Variants in PRKN observed in about 807,000 individuals in gnomAD.
The protein encoded by PRKN is parkin RBR E3 ubiquitin protein ligase.
In PRKN, 56 loss-of-function variants were observed where a neutral mutation model predicts 59.5. That is an observed-to-expected ratio of 0.94 (90% CI 0.76 to 1.18). The LOEUF (loss-of-function observed/expected upper bound fraction) is 1.18. Ranked by LOEUF, PRKN falls within the 50% of genes most tolerant of loss-of-function variation. The pLI is 0.00. For synonymous variants in PRKN, 250 were observed against 222.1 expected (o/e 1.13, Z -1.12); for missense variants, 657 against 596.4 (o/e 1.10, Z -1.06).
intron 7 of PRKN, among the ~76,000 whole-genome samples, chr6:161,731,385 A>G (rs1787705058): frequency 6.6e-6 from 1 of 152,268 alleles, no homozygotes; most frequent in African/African-American, 2.4e-5. Context: ...GTGACTGTCT[A>G]TAATAACTGT....
At chr6:162,585,194 T>C (rs1474651235) in intron 1 of PRKN, among the ~76,000 whole-genome samples, 1 of 151,702 alleles carries the variant, frequency 6.6e-6, no homozygotes, top group Non-Finnish European at 1.5e-5. Flanking sequence ...CCACTGCACC[T>C]GGCCTATAAA....
At chr6:161,956,047 C>A (rs1174481735) in intron 6 of PRKN, among the ~76,000 whole-genome samples, 1 of 152,130 alleles carries the variant, frequency 6.6e-6, no homozygotes, top group Non-Finnish European at 1.5e-5. Flanking sequence ...ACAATATCCC[C>A]CTTTCAGTTA....
At chr6:161,556,005 TTTAG>T (rs960926823) in intron 8 of PRKN, among the ~76,000 whole-genome samples, 13 of 152,228 alleles carry the variant, frequency 8.5e-5, no homozygotes, top group African/African-American at 3.1e-4. Context: ...GTCTATTTAA[TTTAG>T]TTAGGTAATT....
rs748008270 is a variant in PRKN, at chr6:161,348,517, C to T, written c.*1582G>A. On this transcript the variant is annotated 3_prime_UTR_variant, in exon 12 of 12. Transcript: ENST00000366898. This position sits in a 1 kb window ranked among gnomAD's most constrained non-coding sequence, Gnocchi z 4.9. ...TCTCCCCGGTGCAGGGCCTCTGAGA[C>T]GACGGGACTGTCCTCAGATGGTTGG... The T allele has an allele frequency of 1.1e-4, 23 of 209,946 alleles. No homozygotes were observed. Among genetic ancestry groups the T allele is most frequent in the Non-Finnish European group, 1.6e-4 (17 of 103,462 alleles). The allele number at this position is 209,946 out of a possible 1,614,324, so 13.0% of individuals were successfully genotyped here.
At chr6:161,883,099 A>C (rs9346885) in intron 6 of PRKN, among the ~76,000 whole-genome samples, 151,971 of 152,000 alleles carry the variant, frequency 1, 75,971 homozygotes, top group Middle Eastern at 1. Flanking sequence ...ATATAGATAA[A>C]GATAAAGAAA....
chr6:162,276,859 G>A lies in PRKN; in HGVS notation c.172-14094C>T, dbSNP rs1169887442. Among the ~76,000 whole-genome samples, 6 of 151,998 alleles carry A rather than the reference G, an allele frequency of 3.9e-5. No individual in the cohort carries two copies. The South Asian group carries it at 6.2e-4, about 16-fold the overall frequency. On this transcript the variant is annotated intron_variant, in intron 2 of 11. Transcript: ENST00000366898. ...TTTCACAACCATACAGTAACCTCAC[G>A]TGTGGATAAATCATAGTTTATTCAA... is the stretch of plus-strand genomic sequence containing the variant.
At chr6:161,486,402 T>A (rs1287752700) in intron 9 of PRKN, among the ~76,000 whole-genome samples, 1 of 152,214 alleles carries the variant, frequency 6.6e-6, no homozygotes. Flanking sequence ...TATTTAAAAA[T>A]GAAATTTGAA....
intron 5 of PRKN, among the ~76,000 whole-genome samples, chr6:162,002,603 T>C (rs1233421511): frequency 6.6e-6 from 1 of 152,008 alleles, no homozygotes; most frequent in Non-Finnish European, 1.5e-5. Context: ...GCTTCATTCA[T>C]TTTTCTCTAT....
rs1396282026 is a variant in PRKN, at chr6:161,413,515, A to C, written c.1084-26638T>G. ...GGCATGCTGCAGTGAGAACTGGGGG[A>C]GAAGGCCGGAACCTGGCGGGCTCAT... is the stretch of plus-strand genomic sequence containing the variant. On this transcript the variant is annotated intron_variant, in intron 9 of 11. Transcript: ENST00000366898. This position sits in a 1 kb window ranked among gnomAD's most constrained non-coding sequence, Gnocchi z 4.4. Among the ~76,000 whole-genome samples, 2 of 152,124 alleles carry C rather than the reference A, an allele frequency of 1.3e-5. No homozygotes were observed. The highest frequency in any genetic ancestry group is 2.9e-5 in the Non-Finnish European group (2 of 68,020).
In PRKN at chr6:161,582,354, A is replaced by G. The variant is rs1023975301; in HGVS notation, c.872-12938T>C. 6.6e-6 allele frequency among the ~76,000 whole-genome samples: 1 copy of G among 152,236 alleles called. No homozygotes were observed. Among genetic ancestry groups the G allele is most frequent in the African/African-American group, 2.4e-5 (1 of 41,564 alleles). On this transcript the variant is annotated intron_variant, in intron 7 of 11. Transcript: ENST00000366898. The surrounding 1 kb of genome is among the most constrained non-coding windows in gnomAD (Gnocchi z 4.4). ...TGAAAGTTCTTCTTTGAAGATCTAT[A>G]CATTACAATGTTGGGCGCAGCAGAT...
chr6:162,157,297 T>C (rs1782554840), intron 4 of PRKN, among the ~76,000 whole-genome samples: 1 of 151,962 alleles, frequency 6.6e-6, no homozygotes, highest in Non-Finnish European at 1.5e-5. Context: ...TGCTAGCTCC[T>C]GGCTTTGTTT....
intron 2 of PRKN, among the ~76,000 whole-genome samples, chr6:162,319,133 G>A (rs1782875816): frequency 6.6e-6 from 1 of 151,876 alleles, no homozygotes; most frequent in Admixed American, 6.6e-5. Context: ...ATAATAGTGT[G>A]TAATTACGAA....
At chr6:162,645,868 C>CTTTT (rs751656108) in intron 1 of PRKN, among the ~76,000 whole-genome samples, 15 of 121,152 alleles carry the variant, frequency 1.2e-4, no homozygotes, top group Non-Finnish European at 1.7e-4. Context: ...TAAACTTTCT[C>CTTTT]TTTTTTTTTT....
intron 7 of PRKN, among the ~76,000 whole-genome samples, chr6:161,699,411 A>G (rs567710151): frequency 1.3e-5 from 2 of 152,292 alleles, no homozygotes; most frequent in South Asian, 2.1e-4. Context: ...TTTATTTTTA[A>G]TAGTTCCAAA....
At chr6:161,764,237 T>C (rs543697709) in intron 7 of PRKN, among the ~76,000 whole-genome samples, 1 of 152,330 alleles carries the variant, frequency 6.6e-6, no homozygotes, top group African/African-American at 2.4e-5. Context: ...AGCTGCATGG[T>C]TTTTCATAAA....
intron 5 of PRKN, among the ~76,000 whole-genome samples, chr6:162,010,358 A>G (rs1392372380): frequency 8.5e-6 from 1 of 118,180 alleles, no homozygotes; most frequent in Non-Finnish European, 1.6e-5. Context: ...TACATTTATT[A>G]TATGTAATAT....
intron 1 of PRKN, among the ~76,000 whole-genome samples, chr6:162,673,364 T>C (rs1361712625): frequency 6.6e-6 from 1 of 152,166 alleles, no homozygotes; most frequent in African/African-American, 2.4e-5. Context: ...CTCACTCACT[T>C]TGAAAAAAAA....
Position 161,957,963 on chromosome 6 carries a change from C to T in PRKN, c.734+15339G>A, listed in dbSNP as rs538035349. 2.1e-4 allele frequency among the ~76,000 whole-genome samples: 32 copies of T among 152,216 alleles called. No individual in the cohort carries two copies. In the East Asian group the frequency reaches 5.8e-3, roughly 28 times the overall value. ...AAACCTAGTCAATGAGTGCTAATCA[C>T]AGAAATCATTTCAGATTAATCTTAG... On this transcript the variant is annotated intron_variant, in intron 6 of 11. Transcript: ENST00000366898.
At chr6:162,605,312 C>T (rs1781867871) in intron 1 of PRKN, among the ~76,000 whole-genome samples, 1 of 152,052 alleles carries the variant, frequency 6.6e-6, no homozygotes, top group Non-Finnish European at 1.5e-5. Flanking sequence ...AATTCCCTTA[C>T]CCCAAAACCC....
Sources: gnomAD v4.1 joint callset for allele counts (sites outside exome capture counted in the v4.1 genomes callset) on GRCh38, gnomAD v4.1.1 for gene constraint, Gnocchi (gnomAD v3.1) non-coding constraint, MANE v1.5 for transcripts, NCBI Gene and HGNC (gene_info 2026-07-23, HGNC 2026-07-21) for gene names.